ZNF618: variants seen among roughly 807,000 people sequenced by gnomAD.
The protein encoded by ZNF618 is zinc finger protein 618, also known as neural precursor cell expressed, developmentally down-regulated 10.
Under a neutral mutation model 103.0 loss-of-function variants are expected in ZNF618, and 34 were observed. The ratio of observed to expected loss-of-function variants is 0.33; its 90% CI spans 0.25 to 0.44. The LOEUF (loss-of-function observed/expected upper bound fraction) is 0.44, where lower values mean the gene tolerates loss of function less well. Among genes scored for constraint, ZNF618 ranks in the 20% least tolerant of loss-of-function variants. ZNF618 has a pLI of 1.00. For synonymous variants in ZNF618, 551 were observed against 542.2 expected (o/e 1.02, Z -0.23); for missense variants, 1,059 against 1,295.4 (o/e 0.82, Z 2.80).
At chr9:114,041,744 G>A (rs1039111783) in intron 13 of ZNF618, among the ~76,000 whole-genome samples, 2 of 152,326 alleles carry the variant, frequency 1.3e-5, no homozygotes, top group African/African-American at 4.8e-5. Flanking sequence ...TTGTAGTATA[G>A]TTTGAAGTCA....
rs779923948 is a variant in ZNF618, at chr9:114,049,544, G to A, written c.2242G>A (p.Glu748Lys). Residue 748 changes from glutamate (E) to lysine (K), a missense_variant, in exon 15 of 15, where the codon GAG becomes AAG. Transcript: ENST00000374126. ...ILTPVKQAVI[E>K]LSNESQPTLQ... ...GACGCCGGTGAAGCAGGCAGTCATC[G>A]AGCTGAGCAACGAGAGCCAGCCCAC... 9.3e-6 allele frequency: 15 copies of A among 1,613,694 alleles called. No individual in the cohort carries two copies. Among genetic ancestry groups the A allele is most frequent in the African/African-American group, 1.3e-5 (1 of 74,936 alleles).
intron 1 of ZNF618, among the ~76,000 whole-genome samples, chr9:113,908,806 C>T (rs1369006469): frequency 2.0e-5 from 3 of 151,960 alleles, no homozygotes; most frequent in Admixed American, 1.3e-4. Flanking sequence ...ATGTCAAGGC[C>T]ATTCATACCC....
chr9:113,993,700 G>A (rs932395028), intron 3 of ZNF618, among the ~76,000 whole-genome samples: 2 of 152,202 alleles, frequency 1.3e-5, no homozygotes, highest in Non-Finnish European at 2.9e-5. Flanking sequence ...GACCGTGGAG[G>A]GAATGAGTGA....
intron 1 of ZNF618, among the ~76,000 whole-genome samples, chr9:113,883,618 A>G (rs919539441): frequency 1.3e-5 from 2 of 152,152 alleles, no homozygotes; most frequent in African/African-American, 4.8e-5. Flanking sequence ...ATGGGAGAAA[A>G]CAGAACCTTC....
intron 4 of ZNF618, 91 bp downstream of exon 4, chr9:113,998,445 G>A (rs1380541156): frequency 2.5e-6 from 3 of 1,187,486 alleles, no homozygotes; most frequent in East Asian, 2.6e-5. Flanking sequence ...ACCTGAGTAA[G>A]CAGGCCCCTG....
chr9:113,995,252 A>AG (rs1840458698), intron 3 of ZNF618, among the ~76,000 whole-genome samples: 1 of 151,940 alleles, frequency 6.6e-6, no homozygotes, highest in Non-Finnish European at 1.5e-5. Context: ...CTAAAAAAAA[A>AG]AAAAATTTCC....
At chr9:113,965,633 G>A (rs1328999283) in intron 1 of ZNF618, among the ~76,000 whole-genome samples, 1 of 152,136 alleles carries the variant, frequency 6.6e-6, no homozygotes, top group Admixed American at 6.5e-5. Context: ...TGGAGTGGGG[G>A]AGATGACCTG....
chr9:114,027,288 G>A (rs1329710748), intron 10 of ZNF618, among the ~76,000 whole-genome samples: 1 of 152,194 alleles, frequency 6.6e-6, no homozygotes, highest in Non-Finnish European at 1.5e-5. Flanking sequence ...TGGCAGCTCA[G>A]GTCACAAGGG....
chr9:113,881,688 G>A (rs1334207191), intron 1 of ZNF618, among the ~76,000 whole-genome samples: 1 of 152,142 alleles, frequency 6.6e-6, no homozygotes, highest in Non-Finnish European at 1.5e-5. Flanking sequence ...TCACTGGCTG[G>A]CCCCAGAAGG....
At chr9:113,980,826 G>A (rs888111832) in intron 2 of ZNF618, among the ~76,000 whole-genome samples, 1 of 152,220 alleles carries the variant, frequency 6.6e-6, no homozygotes, top group Non-Finnish European at 1.5e-5. Flanking sequence ...TAGAGGCAGA[G>A]TCCGACGGGG....
chr9:113,959,447 C>T (rs563109759), intron 1 of ZNF618, among the ~76,000 whole-genome samples: 4 of 152,326 alleles, frequency 2.6e-5, no homozygotes, highest in East Asian at 1.9e-4. Flanking sequence ...TGTTATAGTA[C>T]GTGTTGGACT....
intron 11 of ZNF618, among the ~76,000 whole-genome samples, chr9:114,029,846 A>G (rs964624699): frequency 6.6e-6 from 1 of 152,160 alleles, no homozygotes; most frequent in East Asian, 1.9e-4. Context: ...GTAAACAGAC[A>G]ATAAAAAGTT....
At chr9:113,997,633 G>T (rs1200463122) in intron 3 of ZNF618, among the ~76,000 whole-genome samples, 1 of 152,236 alleles carries the variant, frequency 6.6e-6, no homozygotes, top group Admixed American at 6.5e-5. Flanking sequence ...TGAACTGGGC[G>T]AAATGCTGCA....
intron 1 of ZNF618, among the ~76,000 whole-genome samples, chr9:113,923,750 G>A (rs968954109): frequency 3.8e-4 from 58 of 151,900 alleles, no homozygotes; most frequent in African/African-American, 1.3e-3. Flanking sequence ...TTCCTTTTTT[G>A]TAATGTCTTT....
intron 1 of ZNF618, among the ~76,000 whole-genome samples, chr9:113,876,862 T>C (rs998857322): frequency 6.0e-5 from 9 of 150,212 alleles, no homozygotes; most frequent in African/African-American, 2.2e-4. Context: ...TCCCCCATTT[T>C]TGCAACAATC....
At chr9:113,879,250 T>C (rs1828258220) in intron 1 of ZNF618, among the ~76,000 whole-genome samples, 1 of 152,058 alleles carries the variant, frequency 6.6e-6, no homozygotes, top group African/African-American at 2.4e-5. Flanking sequence ...AATAAAAATA[T>C]TGCAGCACGT....
intron 2 of ZNF618, among the ~76,000 whole-genome samples, chr9:113,982,398 A>G (rs1047824170): frequency 2.8e-5 from 4 of 143,682 alleles, no homozygotes; most frequent in East Asian, 2.0e-4. Context: ...TTCCAGCTCT[A>G]CCTCTCGGGG....
intron 1 of ZNF618, among the ~76,000 whole-genome samples, chr9:113,902,682 G>A (rs989332020): frequency 3.3e-5 from 5 of 152,128 alleles, no homozygotes; most frequent in Non-Finnish European, 5.9e-5. Context: ...CAGCTGCTTG[G>A]TGCAGCCACC....
chr9:113,880,437 A>G (rs933402426), intron 1 of ZNF618, among the ~76,000 whole-genome samples: 1 of 152,194 alleles, frequency 6.6e-6, no homozygotes, highest in Non-Finnish European at 1.5e-5. Flanking sequence ...TGTAACTCCA[A>G]GGAATTGGTT....
Sources: allele counts gnomAD v4.1 joint callset (sites outside exome capture counted in the v4.1 genomes callset), GRCh38; gene constraint gnomAD v4.1.1; transcripts MANE v1.5; gene names NCBI Gene and HGNC (gene_info 2026-07-23, HGNC 2026-07-21).